MCPH1: variants seen among roughly 807,000 people sequenced by gnomAD.
MCPH1 encodes the protein microcephalin.
MCPH1 carries 104 observed loss-of-function variants against 84.5 expected under a neutral mutation model. The observed-to-expected ratio is 1.23, with a 90% CI of 1.05 to 1.45. MCPH1 has a LOEUF of 1.45. Ranked by LOEUF, MCPH1 falls within the 40% of genes most tolerant of loss-of-function variation. The probability of loss-of-function intolerance (pLI) is 0.00; values close to 1 mark genes in which losing one functional copy is unlikely to be tolerated. For synonymous variants in MCPH1, 514 were observed against 366.8 expected, an observed-to-expected ratio of 1.40 and a Z score of -4.58; for missense variants, 1,498 against 1,005.7, an observed-to-expected ratio of 1.49 and a Z score of -6.62.
At chr8:6,509,275 C>T (rs78223039) in intron 12 of MCPH1, among the ~76,000 whole-genome samples, 1,790 of 152,302 alleles carry the variant, frequency 0.012, 15 homozygotes, top group Non-Finnish European at 0.02. Context: ...TTTCATGAAA[C>T]CTTCAACACA....
chr8:6,550,011 G>C (rs559461624), intron 12 of MCPH1, among the ~76,000 whole-genome samples: 2 of 152,322 alleles, frequency 1.3e-5, no homozygotes, highest in African/African-American at 4.8e-5. Context: ...GTGATCATTC[G>C]GGGACGGGGG....
At chr8:6,562,790 C>G in intron 12 of MCPH1, 1 of 1,613,638 alleles carries the variant, frequency 6.2e-7, no homozygotes, top group Non-Finnish European at 8.5e-7. Flanking sequence ...TTGTCCATCT[C>G]TGGCAGGAGG....
chr8:6,590,108 CG>C (rs1311527831), intron 12 of MCPH1, among the ~76,000 whole-genome samples: 1 of 151,126 alleles, frequency 6.6e-6, no homozygotes, highest in Admixed American at 6.6e-5. Context: ...CATTTGGTGC[CG>C]GAAGAATGAT....
In MCPH1 at chr8:6,445,251, G is replaced by T; in HGVS notation, c.1529G>T (p.Cys510Phe). The T allele has an allele frequency of 6.2e-7, 1 of 1,614,236 alleles. No homozygotes were observed. The highest frequency in any genetic ancestry group is 8.5e-7 in the Non-Finnish European group (1 of 1,180,038). ...GCCCCTGAAGAAGCCCTAAGGTGTTGTAGACAGGCTGGGAAAGAAGACGCA... is the reference window on the plus strand; with the variant it reads ...GCCCCTGAAGAAGCCCTAAGGTGTTTTAGACAGGCTGGGAAAGAAGACGCA... ...TSAPEEALRC[C>F]RQAGKEDACP... The change falls in exon 8 of 14, where the codon TGT becomes TTT. Residue 510 changes from cysteine (C) to phenylalanine (F), a missense_variant. Cys to Phe is a radical substitution (Grantham distance 205). Transcript: ENST00000344683.
chr8:6,591,644 G>T (rs766161492), intron 12 of MCPH1, among the ~76,000 whole-genome samples: 1 of 152,136 alleles, frequency 6.6e-6, no homozygotes, highest in East Asian at 1.9e-4. Context: ...TCCAGGACAC[G>T]TGGCCCTTAG....
At chr8:6,520,928 A>G (rs965184430) in intron 12 of MCPH1, among the ~76,000 whole-genome samples, 1 of 152,236 alleles carries the variant, frequency 6.6e-6, no homozygotes, top group Non-Finnish European at 1.5e-5. Context: ...CTTCTAATTA[A>G]TGATGGAACT....
intron 12 of MCPH1, among the ~76,000 whole-genome samples, chr8:6,587,748 A>G (rs1563159298): frequency 6.6e-6 from 1 of 152,238 alleles, no homozygotes; most frequent in Non-Finnish European, 1.5e-5. Flanking sequence ...TAGATAAGAA[A>G]GCAAGAAAGT....
rs1257880224 is a variant in MCPH1, at chr8:6,621,690, A to AG, written c.2452+1dup. 6.2e-7 allele frequency: 1 copy of AG among 1,614,168 alleles called. No homozygotes were observed. Among genetic ancestry groups the AG allele is most frequent in the East Asian group, 2.2e-5 (1 of 44,888 alleles). Reference sequence around the variant, plus strand: ...AGTATCTGTCTGAGAAATGGGTCTTAGGTAAGAATCCAGGCACACAGACGC... The same window carrying AG: ...AGTATCTGTCTGAGAAATGGGTCTTAGGGTAAGAATCCAGGCACACAGACGC... On this transcript the variant is annotated frameshift_variant and splice_region_variant, in exon 13 of 14. Transcript: ENST00000344683. LOFTEE classifies it high-confidence loss of function.
intron 1 of MCPH1, 113 bp from the exon 2 acceptor site, chr8:6,409,166 G>A (rs1247211166): frequency 1.1e-5 from 10 of 871,862 alleles, no homozygotes; most frequent in Admixed American, 7.7e-5. Flanking sequence ...GATTACAGGC[G>A]TGAGCCACTG....
At chr8:6,447,443 T>A (rs758169984) in intron 8 of MCPH1, 3 of 984,674 alleles carry the variant, frequency 3.0e-6, no homozygotes, top group Non-Finnish European at 3.6e-6. Context: ...CTGTTGTCAG[T>A]ATCTAAGATA....
At chr8:6,487,050 C>T (rs544445714) in intron 11 of MCPH1, among the ~76,000 whole-genome samples, 1 of 152,170 alleles carries the variant, frequency 6.6e-6, no homozygotes, top group African/African-American at 2.4e-5. Context: ...CTGTCCAGCA[C>T]AGTGAGGAAT....
intron 12 of MCPH1, among the ~76,000 whole-genome samples, chr8:6,602,624 G>T (rs1457831644): frequency 6.6e-6 from 1 of 152,052 alleles, no homozygotes; most frequent in East Asian, 1.9e-4. Flanking sequence ...TTAATACACA[G>T]CAAATTCCTG....
At chr8:6,438,242 A>G (rs1802964409) in intron 5 of MCPH1, among the ~76,000 whole-genome samples, 1 of 152,238 alleles carries the variant, frequency 6.6e-6, no homozygotes, top group Non-Finnish European at 1.5e-5. Context: ...TATCGTAATT[A>G]AAAACTATAT....
chr8:6,563,694 C>G (rs1825876240), intron 12 of MCPH1, among the ~76,000 whole-genome samples: 1 of 152,178 alleles, frequency 6.6e-6, no homozygotes, highest in Non-Finnish European at 1.5e-5. Flanking sequence ...AAGTTTGGCT[C>G]CTGTAAACGT....
chr8:6,511,843 A>T (rs1815179328), intron 12 of MCPH1, among the ~76,000 whole-genome samples: 1 of 151,676 alleles, frequency 6.6e-6, no homozygotes, highest in South Asian at 2.1e-4. Flanking sequence ...AAGGGTAATG[A>T]CCCATTTTGT....
intron 12 of MCPH1, among the ~76,000 whole-genome samples, chr8:6,598,159 G>C (rs1464322196): frequency 1.3e-5 from 2 of 152,212 alleles, no homozygotes; most frequent in Non-Finnish European, 2.9e-5. Context: ...GATGCTTCTG[G>C]GAGGCAAAGG....
Position 6,562,552 on chromosome 8 carries a change from C to CTTT in MCPH1, c.2215-58885_2215-58883dup, listed in dbSNP as rs55804146. 306 of 73,782 alleles carry CTTT rather than the reference C, an allele frequency of 4.1e-3. 14 individuals are homozygous for CTTT. The highest frequency in any genetic ancestry group is 9.5e-3 in the South Asian group (19 of 2,002). The allele number at this position is 73,782 out of a possible 1,614,324, so 4.6% of individuals were successfully genotyped here. On this transcript the variant is annotated intron_variant, in intron 12 of 13. Coordinates refer to ENST00000344683, the MANE Select transcript of MCPH1 (RefSeq NM_024596.5). ...AGCTCTAATCCTCTTCATCCTCCTT[C>CTTT]TTTTTTTTTTTTTTTTTTTGGTTGT...
At chr8:6,600,537 C>G (rs943556650) in intron 12 of MCPH1, among the ~76,000 whole-genome samples, 1 of 152,248 alleles carries the variant, frequency 6.6e-6, no homozygotes, top group African/African-American at 2.4e-5. Context: ...CTGAGTGTCT[C>G]TAGCATACCT....
At chr8:6,429,867 C>A (rs965266794) in intron 3 of MCPH1, among the ~76,000 whole-genome samples, 1 of 152,184 alleles carries the variant, frequency 6.6e-6, no homozygotes, top group Non-Finnish European at 1.5e-5. Flanking sequence ...TCCCTCACAC[C>A]TGTCCCCATG....
Sources: gnomAD v4.1 joint callset for allele counts (sites outside exome capture counted in the v4.1 genomes callset) on GRCh38, gnomAD v4.1.1 for gene constraint, MANE v1.5 for transcripts, NCBI Gene and HGNC (gene_info 2026-07-23, HGNC 2026-07-21) for gene names.